Variants in TTC7B observed in about 807,000 individuals in gnomAD.
TTC7B encodes tetratricopeptide repeat protein 7B.
A neutral mutation model predicts 106.8 loss-of-function variants in TTC7B; 28 were observed. The ratio of observed to expected loss-of-function variants is 0.26; its 90% CI spans 0.19 to 0.36. The LOEUF (loss-of-function observed/expected upper bound fraction) is 0.36, where lower values mean the gene tolerates loss of function less well. TTC7B is among the 10% of genes least tolerant of loss of function. TTC7B has a pLI of 1.00. For missense variants in TTC7B, 862 were observed against 1,076.4 expected (o/e 0.80, Z 2.79); for synonymous variants, 405 against 430.6 (o/e 0.94, Z 0.74).
chr14:90,590,477 T>C (rs1891909531), intron 18 of TTC7B, among the ~76,000 whole-genome samples: 1 of 152,140 alleles, frequency 6.6e-6, no homozygotes, highest in Non-Finnish European at 1.5e-5. Context: ...GGCCCACAAA[T>C]GTCACTCAGA....
In TTC7B at chr14:90,571,710, C is replaced by A. The variant is rs141939636; in HGVS notation, c.2310+6396G>T. ...ACGTCTAAAGATGGCCATTTGAAAG[C>A]GGGAAGGGTATTTCAAGTCTATTTC... On this transcript the variant is annotated intron_variant, in intron 19 of 19. Coordinates refer to ENST00000328459, the MANE Select transcript of TTC7B (RefSeq NM_001010854.2). 5.3e-5 allele frequency among the ~76,000 whole-genome samples: 8 copies of A among 152,224 alleles called. No individual in the cohort carries two copies. The East Asian group carries it at 1.5e-3, about 29-fold the overall frequency.
chr14:90,629,452 A>T (rs1295427729), intron 15 of TTC7B, among the ~76,000 whole-genome samples: 1 of 152,218 alleles, frequency 6.6e-6, no homozygotes, highest in Non-Finnish European at 1.5e-5. Flanking sequence ...ATCAAAATGG[A>T]TAACAGATGA....
intron 8 of TTC7B, among the ~76,000 whole-genome samples, 173 bp downstream of exon 8, chr14:90,680,299 G>C (rs2139928362): frequency 6.6e-6 from 1 of 152,278 alleles, no homozygotes; most frequent in Non-Finnish European, 1.5e-5. Flanking sequence ...GCTGGTCCAG[G>C]AATTAAGAAA....
At chr14:90,722,014 C>G (rs188149605) in intron 5 of TTC7B, among the ~76,000 whole-genome samples, 1 of 152,322 alleles carries the variant, frequency 6.6e-6, no homozygotes, top group East Asian at 1.9e-4. Context: ...ACCATCAGTT[C>G]AACTATTACG....
intron 5 of TTC7B, among the ~76,000 whole-genome samples, chr14:90,723,535 C>T (rs1008652659): frequency 1.3e-5 from 2 of 152,168 alleles, no homozygotes; most frequent in African/African-American, 4.8e-5. Context: ...CTTGAACACT[C>T]CAAGCTCTTT....
intron 17 of TTC7B, among the ~76,000 whole-genome samples, chr14:90,606,102 G>A (rs939492304): frequency 6.6e-6 from 1 of 152,176 alleles, no homozygotes; most frequent in African/African-American, 2.4e-5. Context: ...CTTTTCAACT[G>A]GAAAGGGTTA....
At position 90,596,738 on chromosome 14, in the gene TTC7B, T is replaced by C. The variant is rs531299932; in HGVS notation, c.1967-3112A>G. ...TGTAACTATCTCCCTTATTAGACCG[T>C]GTGGGTCTAGAAGATGCGAACTACG... On this transcript the variant is annotated intron_variant, in intron 17 of 19. Coordinates refer to ENST00000328459, the MANE Select transcript of TTC7B (RefSeq NM_001010854.2). Among the ~76,000 whole-genome samples, 4 of 152,312 alleles carry C rather than the reference T, an allele frequency of 2.6e-5. No individual in the cohort carries two copies. In the South Asian group the frequency reaches 8.3e-4, roughly 32 times the overall value.
intron 3 of TTC7B, among the ~76,000 whole-genome samples, chr14:90,748,535 C>G (rs971444281): frequency 6.6e-6 from 1 of 152,028 alleles, no homozygotes; most frequent in Non-Finnish European, 1.5e-5. Flanking sequence ...CAATGTTGGC[C>G]AGTCTGGTCT....
At chr14:90,597,741 T>C (rs1892266812) in intron 17 of TTC7B, among the ~76,000 whole-genome samples, 1 of 152,064 alleles carries the variant, frequency 6.6e-6, no homozygotes, top group Non-Finnish European at 1.5e-5. Flanking sequence ...TAAGTGACTA[T>C]ATAGACACTG....
intron 4 of TTC7B, among the ~76,000 whole-genome samples, chr14:90,741,608 T>G (rs1183212152): frequency 2.0e-5 from 3 of 152,186 alleles, no homozygotes; most frequent in Middle Eastern, 3.2e-3. Flanking sequence ...CATCCCCTTT[T>G]CTGTTTTCAA....
intron 11 of TTC7B, 55 bp from the exon 12 acceptor site, chr14:90,655,165 G>A (rs751447957): frequency 7.2e-7 from 1 of 1,379,654 alleles, no homozygotes; most frequent in South Asian, 1.2e-5. Flanking sequence ...TCTAACATGA[G>A]TTCCCATAAG....
At chr14:90,620,584 G>A (rs903097443) in intron 15 of TTC7B, among the ~76,000 whole-genome samples, 3 of 152,178 alleles carry the variant, frequency 2.0e-5, no homozygotes, top group African/African-American at 7.2e-5. Context: ...GACTGTGGGG[G>A]GTCCAGGAAG....
At chr14:90,632,446 T>C (rs1362543868) in intron 15 of TTC7B, among the ~76,000 whole-genome samples, 1 of 152,188 alleles carries the variant, frequency 6.6e-6, no homozygotes, top group African/African-American at 2.4e-5. Flanking sequence ...TGCCAAGTAA[T>C]GATTTAAAAA....
At chr14:90,607,674 A>C (rs1336320697) in intron 17 of TTC7B, among the ~76,000 whole-genome samples, 2 of 152,254 alleles carry the variant, frequency 1.3e-5, no homozygotes, top group Non-Finnish European at 2.9e-5. Flanking sequence ...GACTGCGGTC[A>C]TGCTGGATGG....
At chr14:90,601,238 G>A (rs1179488310) in intron 17 of TTC7B, among the ~76,000 whole-genome samples, 2 of 152,144 alleles carry the variant, frequency 1.3e-5, no homozygotes, top group South Asian at 4.1e-4. Context: ...ACAGAGTGAT[G>A]CTCCCATATA....
chr14:90,635,575 A>G (rs776837047), intron 15 of TTC7B, among the ~76,000 whole-genome samples: 11 of 151,704 alleles, frequency 7.3e-5, no homozygotes, highest in Non-Finnish European at 1.5e-4. Context: ...CCTGGCTAAC[A>G]CAGTGAAACC....
At position 90,529,214 on chromosome 14, in the gene TTC7B, C is replaced by T. The variant is rs113962842; in HGVS notation, c.*12154G>A. 0.049 allele frequency: 7,445 copies of T among 153,190 alleles called. 580 individuals are homozygous for T. Among genetic ancestry groups the T allele is most frequent in the African/African-American group, 0.17 (7,076 of 41,494 alleles). The allele number at this position is 153,190 out of a possible 1,614,324, so 9.5% of individuals were successfully genotyped here. ...GCGCTTTGTTACCTCTTTCCGATAG[C>T]GGGATCTGACTGCATTTTGCATTCA... is the stretch of plus-strand genomic sequence containing the variant. On this transcript the variant is annotated 3_prime_UTR_variant, in exon 20 of 20. Coordinates refer to ENST00000328459, the MANE Select transcript of TTC7B (RefSeq NM_001010854.2).
intron 15 of TTC7B, among the ~76,000 whole-genome samples, chr14:90,636,282 A>G (rs1234946295): frequency 1.3e-5 from 2 of 152,186 alleles, no homozygotes; most frequent in African/African-American, 4.8e-5. Flanking sequence ...ATCATACAAA[A>G]TAGACTTTGA....
rs927121455 is a variant in TTC7B, at chr14:90,742,359, C to A, written c.576+2433G>T. On this transcript the variant is annotated intron_variant, in intron 4 of 19. Transcript: ENST00000328459. This position sits in a 1 kb window ranked among gnomAD's most constrained non-coding sequence, Gnocchi z 4.1. ...CTCTTTCTCTCTTCCTTTCTTTCTT[C>A]ATTTGTAGAGACAAGGTCTCACTCT... Among the ~76,000 whole-genome samples the A allele has an allele frequency of 2.1e-5, 3 of 139,890 alleles. No homozygotes were observed. Among genetic ancestry groups the A allele is most frequent in the African/African-American group, 7.9e-5 (3 of 38,092 alleles). 91.8% of individuals were successfully genotyped at this position (139,890 alleles called of 152,430 possible). A position where few individuals can be genotyped will look rare whatever the true frequency, so the allele number is the denominator to read the frequency against.
Sources: allele counts gnomAD v4.1 joint callset (sites outside exome capture counted in the v4.1 genomes callset), GRCh38; gene constraint gnomAD v4.1.1; non-coding constraint Gnocchi (gnomAD v3.1); transcripts MANE v1.5; gene names NCBI Gene and HGNC (gene_info 2026-07-23, HGNC 2026-07-21).